Variants in CSNK2A1 observed in about 807,000 individuals in gnomAD.
CSNK2A1 encodes casein kinase 2 alpha 1.
In CSNK2A1, 10 loss-of-function variants were observed where a neutral mutation model predicts 62.9. That is an observed-to-expected ratio of 0.16 (90% CI 0.10 to 0.27). The LOEUF (loss-of-function observed/expected upper bound fraction) is 0.27. Among genes scored for constraint, CSNK2A1 ranks in the 10% least tolerant of loss-of-function variants. The pLI, the probability that CSNK2A1 is intolerant of heterozygous loss-of-function variation, is 1.00. For synonymous variants in CSNK2A1, 124 were observed against 167.8 expected, an observed-to-expected ratio of 0.74 and a Z score of 2.02; for missense variants, 160 against 492.0, an observed-to-expected ratio of 0.33 and a Z score of 6.38.
At chr20:500,054 A>C (rs1287492134) in intron 4 of CSNK2A1, 120 bp from the exon 5 acceptor site, 1 of 712,478 alleles carries the variant, frequency 1.4e-6, no homozygotes, top group African/African-American at 1.8e-5. Context: ...TTGAAGGAAG[A>C]AAATGTGTCA....
intron 10 of CSNK2A1, chr20:489,177 T>C (rs2018163134): frequency 5.4e-6 from 1 of 186,544 alleles, no homozygotes; most frequent in Non-Finnish European, 1.1e-5. Context: ...CTATGAACTA[T>C]CTGAGGGGAA....
chr20:489,683 G>A (rs1020954049), intron 10 of CSNK2A1, 97 bp downstream of exon 10: 5 of 921,180 alleles, frequency 5.4e-6, no homozygotes, highest in Admixed American at 5.1e-5. Context: ...GATCAATATC[G>A]GGGTGGCTGA....
intron 10 of CSNK2A1, 166 bp downstream of exon 10, chr20:489,613 TA>T (rs765668866): frequency 2.3e-5 from 11 of 472,988 alleles, no homozygotes; most frequent in South Asian, 1.7e-4. Flanking sequence ...TGACAAAGAC[TA>T]GGGGGGAATG....
At chr20:486,740 G>C in intron 12 of CSNK2A1, 1 of 375,154 alleles carries the variant, frequency 2.7e-6, no homozygotes, top group Admixed American at 4.1e-5. Flanking sequence ...ATGAAGCCCT[G>C]GTCCTGTTGA....
chr20:542,114 G>C (rs1314101053), intron 1 of CSNK2A1, among the ~76,000 whole-genome samples: 1 of 152,166 alleles, frequency 6.6e-6, no homozygotes, highest in Admixed American at 6.5e-5. Context: ...GAACAGAAGA[G>C]CCCCAAATAT....
intron 2 of CSNK2A1, among the ~76,000 whole-genome samples, chr20:525,493 A>G (rs1383589629): frequency 6.6e-6 from 1 of 151,752 alleles, no homozygotes; most frequent in African/African-American, 2.4e-5. Flanking sequence ...TCTACTAAAA[A>G]TACAAAAATT....
intron 12 of CSNK2A1, 152 bp from the exon 13 acceptor site, chr20:486,614 T>C (rs2018104901): frequency 8.7e-6 from 6 of 691,214 alleles, no homozygotes; most frequent in Middle Eastern, 2.7e-4. Flanking sequence ...GCCTTCACCA[T>C]GAATTAGACA....
chr20:536,053 T>A (rs1030046114), intron 1 of CSNK2A1, among the ~76,000 whole-genome samples: 9 of 152,156 alleles, frequency 5.9e-5, no homozygotes, highest in Non-Finnish European at 1.3e-4. Flanking sequence ...TTACCTTCTC[T>A]ATCTAGAAGC....
At chr20:520,313 C>G (rs1458033548) in intron 2 of CSNK2A1, among the ~76,000 whole-genome samples, 1 of 152,110 alleles carries the variant, frequency 6.6e-6, no homozygotes, top group African/African-American at 2.4e-5. Context: ...ATTATACTAA[C>G]TGATCTTAAA....
intron 13 of CSNK2A1, among the ~76,000 whole-genome samples, chr20:485,358 T>C (rs2018075651): frequency 6.6e-6 from 1 of 151,836 alleles, no homozygotes; most frequent in African/African-American, 2.4e-5. Context: ...ATTTTTTGTA[T>C]TTCCAGTAGA....
intron 1 of CSNK2A1, among the ~76,000 whole-genome samples, chr20:533,683 A>T (rs564911137): frequency 6.6e-6 from 1 of 152,388 alleles, no homozygotes; most frequent in East Asian, 1.9e-4. Flanking sequence ...CAGGAAGTAC[A>T]GTAAAACAGA....
intron 4 of CSNK2A1, chr20:500,384 G>A: frequency 5.3e-6 from 1 of 188,074 alleles, no homozygotes; most frequent in Non-Finnish European, 1.1e-5. Context: ...ACATCTTTGT[G>A]TAGCACAACC....
rs995061936 is a variant in CSNK2A1 at position 478,539 on chromosome 20, A to G, written c.*5422T>C. ...AGTGAAGCTGACTCAGAAATACTCA[A>G]TCCCCCCAGGAACTTCTCTAAGAAA... On this transcript the variant is annotated 3_prime_UTR_variant, in exon 14 of 14. Coordinates refer to ENST00000217244, the MANE Select transcript of CSNK2A1 (RefSeq NM_177559.3). 7.2e-6 allele frequency: 2 copies of G among 277,220 alleles called. No individual in the cohort carries two copies. The highest frequency in any genetic ancestry group is 5.3e-5 in the South Asian group (2 of 37,710). 17.2% of individuals were successfully genotyped at this position (277,220 alleles called of 1,614,324 possible). A position where few individuals can be genotyped will look rare whatever the true frequency, so the allele number is the denominator to read the frequency against.
At chr20:495,926 G>C in intron 7 of CSNK2A1, 124 bp from the exon 8 acceptor site, 1 of 721,322 alleles carries the variant, frequency 1.4e-6, no homozygotes, top group Non-Finnish European at 2.5e-6. Context: ...TGAGGACACA[G>C]TCACTTCCAC....
At chr20:503,065 C>T in intron 4 of CSNK2A1, 1 of 156,176 alleles carries the variant, frequency 6.4e-6, no homozygotes, top group Non-Finnish European at 1.4e-5. Context: ...TATCATATAC[C>T]TTTCCATATG....
rs867331280 is a variant in CSNK2A1 at position 505,583 on chromosome 20, C to T, written c.102-354G>A. Among the ~76,000 whole-genome samples, 22 of 151,230 alleles carry T rather than the reference C, an allele frequency of 1.5e-4. No individual in the cohort carries two copies. The South Asian group carries it at 2.1e-3, about 14-fold the overall frequency. Reference sequence around the variant, plus strand: ...CTCACCGTGTTAACCAGGATGGTCTCGATCTCCTGACCTCGTGATTCGTCC... The same window carrying T: ...CTCACCGTGTTAACCAGGATGGTCTTGATCTCCTGACCTCGTGATTCGTCC... On this transcript the variant is annotated intron_variant, in intron 3 of 13. Transcript: ENST00000217244.
intron 7 of CSNK2A1, among the ~76,000 whole-genome samples, chr20:496,966 G>A (rs1026131705): frequency 6.6e-6 from 1 of 152,112 alleles, no homozygotes; most frequent in Middle Eastern, 3.2e-3. Context: ...AGCACGTCAG[G>A]TGTTTTCACG....
rs752763198 is a variant in CSNK2A1 at position 499,211 on chromosome 20, G to C, written c.366+44C>G. On this transcript the variant is annotated intron_variant, in intron 6 of 13. Transcript: ENST00000217244. The surrounding 1 kb of genome is among the most constrained non-coding windows in gnomAD (Gnocchi z 4.2). ...CAGCATCATCCCCAAAGGCTATGTGGTCTAAAAACCCACTAGCCCGAAACA... is the reference window on the plus strand; with the variant it reads ...CAGCATCATCCCCAAAGGCTATGTGCTCTAAAAACCCACTAGCCCGAAACA... 1 of 1,511,308 alleles carries C rather than the reference G, an allele frequency of 6.6e-7. No individual in the cohort carries two copies. The highest frequency in any genetic ancestry group is 2.0e-5 in the Admixed American group (1 of 51,168). 93.6% of individuals were successfully genotyped at this position (1,511,308 alleles called of 1,614,324 possible).
chr20:517,262 G>A (rs984897890), intron 2 of CSNK2A1, among the ~76,000 whole-genome samples: 2 of 152,222 alleles, frequency 1.3e-5, no homozygotes, highest in African/African-American at 4.8e-5. Flanking sequence ...AGTAGCTAAT[G>A]TTACCTGAAT....
Sources: gnomAD v4.1 joint callset for allele counts (sites outside exome capture counted in the v4.1 genomes callset) on GRCh38, gnomAD v4.1.1 for gene constraint, Gnocchi (gnomAD v3.1) non-coding constraint, MANE v1.5 for transcripts, NCBI Gene and HGNC (gene_info 2026-07-23, HGNC 2026-07-21) for gene names.